The following REEP1 variants were observed in gnomAD, a reference collection of about 807,000 sequenced individuals.
The protein encoded by REEP1 is receptor accessory protein 1, also known as receptor expression-enhancing protein 1.
In REEP1, 22 loss-of-function variants were observed where a neutral mutation model predicts 40.3. The observed-to-expected ratio is 0.55, with a 90% confidence interval of 0.39 to 0.78. REEP1 has a LOEUF of 0.78. Ranked by LOEUF, REEP1 falls within the 30% of genes least tolerant of loss-of-function variation. The pLI, the probability that REEP1 is intolerant of heterozygous loss-of-function variation, is 0.00. For synonymous variants in REEP1, 116 were observed against 139.2 expected (o/e 0.83, Z 1.17); for missense variants, 280 against 361.1 (o/e 0.78, Z 1.82).
At chr2:86,300,417 T>C (rs58877226) in intron 1 of REEP1, among the ~76,000 whole-genome samples, 4,162 of 152,242 alleles carry the variant, frequency 0.027, 196 homozygotes, top group African/African-American at 0.093. Flanking sequence ...GCATTGGTAC[T>C]GAGAAACTTG....
intron 1 of REEP1, among the ~76,000 whole-genome samples, chr2:86,293,464 A>G (rs1319214054): frequency 6.6e-6 from 1 of 152,210 alleles, no homozygotes; most frequent in Non-Finnish European, 1.5e-5. Flanking sequence ...AGGGGCATGG[A>G]GGAAGTTTTG....
At chr2:86,288,972 GT>G (rs1376193195) in intron 1 of REEP1, among the ~76,000 whole-genome samples, 1 of 152,066 alleles carries the variant, frequency 6.6e-6, no homozygotes, top group African/African-American at 2.4e-5. Flanking sequence ...GGAATTCTTT[GT>G]GAATTTTGGG....
At chr2:86,336,724 T>C (rs6718850) in intron 1 of REEP1, 82,642 of 152,148 alleles carry the variant, frequency 0.54, 23,409 homozygotes, top group East Asian at 0.92. Context: ...GACCTCACCC[T>C]AGATGACTCT....
chr2:86,236,526 G>C (rs1414177748), intron 5 of REEP1, among the ~76,000 whole-genome samples: 1 of 152,070 alleles, frequency 6.6e-6, no homozygotes, highest in Non-Finnish European at 1.5e-5. Context: ...TAAAAGCTCT[G>C]AGAAGGCCCA....
At position 86,251,990 on chromosome 2, in the gene REEP1, C is replaced by T. The variant is rs774873482; in HGVS notation, c.384G>A (p.Val128=). 2 of 1,613,968 alleles carry T rather than the reference C, an allele frequency of 1.2e-6. No individual in the cohort carries two copies. The highest frequency in any genetic ancestry group is 4.5e-5 in the East Asian group (2 of 44,874). ...LVHFGKRGLN[V]AATAAVMAAS... is the part of the protein sequence containing the mutation. The stretch of plus-strand genomic sequence containing the variant: ...CAGCCATCACAGCCGCTGTGGCGGC[C>T]ACGTTCAAGCCCCGCTTCCCGAAGT... The change falls in exon 5 of 9, where the codon GTG becomes GTA. Residue 128 remains valine, a synonymous_variant. Coordinates refer to ENST00000538924, the MANE Select transcript of REEP1 (RefSeq NM_001371279.1).
At chr2:86,310,094 C>T (rs181678338) in intron 1 of REEP1, among the ~76,000 whole-genome samples, 24 of 152,250 alleles carry the variant, frequency 1.6e-4, no homozygotes, top group African/African-American at 5.8e-4. Flanking sequence ...AGTTACTTCC[C>T]GTTTTCCCCA....
At chr2:86,267,151 G>A (rs142312088) in intron 2 of REEP1, among the ~76,000 whole-genome samples, 9 of 152,180 alleles carry the variant, frequency 5.9e-5, no homozygotes, top group South Asian at 2.1e-4. Flanking sequence ...GTGTGGTTGT[G>A]TCCCCACTTA....
chr2:86,284,599 C>T (rs1678290262), intron 1 of REEP1, among the ~76,000 whole-genome samples: 1 of 152,226 alleles, frequency 6.6e-6, no homozygotes. Flanking sequence ...GAAATAAATA[C>T]ACCACTCCTC....
intron 1 of REEP1, among the ~76,000 whole-genome samples, chr2:86,295,352 G>C (rs1236089500): frequency 2.6e-5 from 4 of 152,196 alleles, no homozygotes; most frequent in Non-Finnish European, 5.9e-5. Context: ...CAGCTCCAAG[G>C]GCCCTGGCCA....
intron 2 of REEP1, among the ~76,000 whole-genome samples, chr2:86,269,840 A>AT (rs1182582704): frequency 6.6e-6 from 1 of 151,582 alleles, no homozygotes; most frequent in South Asian, 2.1e-4. Flanking sequence ...TATTTAAAAT[A>AT]TAAAAAAAAA....
chr2:86,318,263 C>T (rs1680116650), intron 1 of REEP1, among the ~76,000 whole-genome samples: 1 of 152,142 alleles, frequency 6.6e-6, no homozygotes, highest in Non-Finnish European at 1.5e-5. Context: ...GACAGACCAA[C>T]CACCACTAAT....
At chr2:86,233,969 G>A (rs993065390) in intron 5 of REEP1, among the ~76,000 whole-genome samples, 5 of 152,072 alleles carry the variant, frequency 3.3e-5, no homozygotes, top group East Asian at 1.9e-4. Flanking sequence ...AATTCAAGCC[G>A]CTGACAAGAG....
chr2:86,294,723 T>TTAGATAAA (rs1553466990), intron 1 of REEP1, among the ~76,000 whole-genome samples: 2 of 148,866 alleles, frequency 1.3e-5, no homozygotes, highest in African/African-American at 5.0e-5. Context: ...GATTTATATT[T>TTAGATAAA]TAGATAGATA....
At chr2:86,335,962 A>C (rs961536778) in intron 1 of REEP1, among the ~76,000 whole-genome samples, 17 of 149,384 alleles carry the variant, frequency 1.1e-4, no homozygotes, top group African/African-American at 3.9e-4. Context: ...CCAGGATCAG[A>C]TGCCCTCACT....
intron 1 of REEP1, among the ~76,000 whole-genome samples, chr2:86,325,248 T>A (rs77199625): frequency 0.03 from 4,589 of 152,258 alleles, 120 homozygotes; most frequent in East Asian, 0.07. Context: ...ATCCTGTCTT[T>A]TAAAAAAAAT....
intron 1 of REEP1, among the ~76,000 whole-genome samples, chr2:86,314,893 G>C (rs1397648196): frequency 6.6e-6 from 1 of 151,746 alleles, no homozygotes. Flanking sequence ...AGGTCTCACT[G>C]TGTTGCCCAG....
intron 7 of REEP1, among the ~76,000 whole-genome samples, chr2:86,226,149 A>T (rs915964545): frequency 2.1e-5 from 3 of 142,684 alleles, no homozygotes; most frequent in African/African-American, 7.5e-5. Context: ...CATCATCATC[A>T]TCATCATCCT....
At position 86,312,522 on chromosome 2, in the gene REEP1, C is replaced by T. The variant is rs531735752; in HGVS notation, c.32+24957G>A. On this transcript the variant is annotated intron_variant, in intron 1 of 8. Coordinates refer to ENST00000538924, the MANE Select transcript of REEP1 (RefSeq NM_001371279.1). ...GTAAAATCAGACAGATTTGAATTTG[C>T]TTCACGGCTCTAATATGTAATGTTT... Among the ~76,000 whole-genome samples, 135 of 152,272 alleles carry T rather than the reference C, an allele frequency of 8.9e-4. 1 individual carries two copies. The highest frequency in any genetic ancestry group is 3.1e-3 in the African/African-American group (129 of 41,552).
rs545346346 is a variant in REEP1, at chr2:86,282,457, T to C, written c.33-215A>G. 3.9e-5 allele frequency among the ~76,000 whole-genome samples: 6 copies of C among 152,146 alleles called. No homozygotes were observed. The South Asian group carries it at 1.2e-3, about 32-fold the overall frequency. On this transcript the variant is annotated intron_variant, in intron 1 of 8. Coordinates refer to ENST00000538924, the MANE Select transcript of REEP1 (RefSeq NM_001371279.1). ...TGTTAAAGCCCACACCCACCTCCCT[T>C]CAACCTGTGGTCTGGCAACATGGAA...
Sources: gnomAD v4.1 joint callset for allele counts (sites outside exome capture counted in the v4.1 genomes callset) on GRCh38, gnomAD v4.1.1 for gene constraint, MANE v1.5 for transcripts, NCBI Gene and HGNC (gene_info 2026-07-23, HGNC 2026-07-21) for gene names.